The following HS3ST5 variants were observed in gnomAD, a reference collection of about 807,000 sequenced individuals.
HS3ST5 encodes the protein heparan sulfate-glucosamine 3-sulfotransferase 5, also known as heparan sulfate glucosamine 3-O-sulfotransferase 5.
A neutral mutation model predicts 25.4 loss-of-function variants in HS3ST5; 10 were observed. That is an observed-to-expected ratio of 0.39 (90% CI 0.24 to 0.67). The LOEUF (loss-of-function observed/expected upper bound fraction) is 0.67, where lower values mean the gene tolerates loss of function less well. HS3ST5 is among the 30% of genes least tolerant of loss of function. The pLI is 0.44. For synonymous variants in HS3ST5, 170 were observed against 162.4 expected, an observed-to-expected ratio of 1.05 and a Z score of -0.36; for missense variants, 324 against 420.7, an observed-to-expected ratio of 0.77 and a Z score of 2.01.
At chr6:114,137,773 A>T (rs1271522362) in intron 3 of HS3ST5, among the ~76,000 whole-genome samples, 1 of 152,040 alleles carries the variant, frequency 6.6e-6, no homozygotes, top group Non-Finnish European at 1.5e-5. Flanking sequence ...TTCCTACTTC[A>T]TCTCTTCCAC....
At chr6:114,068,481 G>A (rs1053431277) in intron 3 of HS3ST5, among the ~76,000 whole-genome samples, 1 of 152,170 alleles carries the variant, frequency 6.6e-6, no homozygotes, top group African/African-American at 2.4e-5. Context: ...ACATTATAAA[G>A]CATTTGAATC....
intron 3 of HS3ST5, among the ~76,000 whole-genome samples, chr6:114,094,023 A>G (rs1775287208): frequency 6.6e-6 from 1 of 152,184 alleles, no homozygotes; most frequent in Non-Finnish European, 1.5e-5. Flanking sequence ...AAAGTAGAGT[A>G]AGGATACCAA....
chr6:114,222,809 T>C (rs934150777), intron 2 of HS3ST5, among the ~76,000 whole-genome samples: 3 of 151,852 alleles, frequency 2.0e-5, no homozygotes, highest in African/African-American at 7.2e-5. Flanking sequence ...CCATCTAGAA[T>C]TTACTCATTT....
intron 2 of HS3ST5, among the ~76,000 whole-genome samples, chr6:114,189,326 C>T (rs1780383897): frequency 6.6e-6 from 1 of 151,944 alleles, no homozygotes; most frequent in Non-Finnish European, 1.5e-5. Context: ...TCTTTGTCCT[C>T]AGTGTTGTAA....
chr6:114,297,207 T>G (rs1467462744), intron 1 of HS3ST5, among the ~76,000 whole-genome samples: 2 of 147,790 alleles, frequency 1.4e-5, no homozygotes, highest in Non-Finnish European at 3.0e-5. Flanking sequence ...TATATGAGTG[T>G]TTTTTTTTTA....
intron 2 of HS3ST5, among the ~76,000 whole-genome samples, chr6:114,209,430 C>CT (rs1002300604): frequency 2.6e-5 from 4 of 151,562 alleles, no homozygotes; most frequent in Admixed American, 2.0e-4. Flanking sequence ...CCAATTTTCT[C>CT]TTTTTTTTAA....
chr6:114,167,795 A>G (rs1392565425), intron 3 of HS3ST5: 1 of 152,254 alleles, frequency 6.6e-6, no homozygotes, highest in Admixed American at 6.5e-5. Context: ...TGTCAAACAA[A>G]TGTCAGAGGA....
At chr6:114,152,699 C>T (rs556719571) in intron 3 of HS3ST5, among the ~76,000 whole-genome samples, 14 of 152,216 alleles carry the variant, frequency 9.2e-5, no homozygotes, top group South Asian at 4.2e-4. Flanking sequence ...CTCAGTTCTC[C>T]GCCTGGACAC....
At chr6:114,195,591 G>A (rs548057904) in intron 2 of HS3ST5, among the ~76,000 whole-genome samples, 1 of 152,282 alleles carries the variant, frequency 6.6e-6, no homozygotes, top group Non-Finnish European at 1.5e-5. Context: ...CATGGCCTCT[G>A]GCCTATGCTG....
At chr6:114,259,593 C>T (rs923920942) in intron 1 of HS3ST5, among the ~76,000 whole-genome samples, 3 of 152,156 alleles carry the variant, frequency 2.0e-5, no homozygotes, top group African/African-American at 7.2e-5. Context: ...TGAAACTAAG[C>T]AGTTGTTTTA....
chr6:114,304,106 T>C (rs1775194384), intron 1 of HS3ST5, among the ~76,000 whole-genome samples: 1 of 152,056 alleles, frequency 6.6e-6, no homozygotes, highest in African/African-American at 2.4e-5. Context: ...GAAGTATTTC[T>C]GACTGACCTA....
chr6:114,218,348 T>C (rs1781869631), intron 2 of HS3ST5, among the ~76,000 whole-genome samples: 2 of 152,200 alleles, frequency 1.3e-5, no homozygotes, highest in Admixed American at 1.3e-4. Context: ...CTCTCAGTGC[T>C]AAGGTGCAAA....
At position 114,254,783 on chromosome 6, in the gene HS3ST5, C is replaced by T. The variant is rs540439169; in HGVS notation, c.-338-26005G>A. On this transcript the variant is annotated intron_variant, in intron 1 of 4. Transcript: ENST00000312719. ...CATCAGATCTCATGAGACTTACTCA[C>T]TACCACGAGAACAGTATGAGGGAAA... Among the ~76,000 whole-genome samples the T allele has an allele frequency of 1.3e-5, 2 of 152,240 alleles. 1 individual carries two copies. Among genetic ancestry groups the T allele is most frequent in the South Asian group, 4.2e-4 (2 of 4,812 alleles).
intron 2 of HS3ST5, among the ~76,000 whole-genome samples, chr6:114,189,399 T>C (rs140219768): frequency 5.9e-5 from 9 of 152,178 alleles, no homozygotes; most frequent in Non-Finnish European, 1.3e-4. Flanking sequence ...GTCCTCTCAG[T>C]TGGGAAGCTC....
intron 1 of HS3ST5, among the ~76,000 whole-genome samples, chr6:114,328,284 G>A (rs58973977): frequency 0.063 from 9,613 of 151,824 alleles, 550 homozygotes; most frequent in African/African-American, 0.15. Flanking sequence ...GAAGGGTAGC[G>A]ATAGTGTCTT....
At chr6:114,334,433 T>G (rs1776527178) in intron 1 of HS3ST5, among the ~76,000 whole-genome samples, 1 of 152,232 alleles carries the variant, frequency 6.6e-6, no homozygotes, top group Non-Finnish European at 1.5e-5. Context: ...TTGCATAAAA[T>G]GTCAGTTCCC....
At chr6:114,327,050 C>T (rs1297034940) in intron 1 of HS3ST5, among the ~76,000 whole-genome samples, 1 of 152,136 alleles carries the variant, frequency 6.6e-6, no homozygotes, top group East Asian at 1.9e-4. Context: ...TTGGAATTTT[C>T]TTTGAGTAAA....
Position 114,148,391 on chromosome 6 carries a change from G to A in HS3ST5, c.-33+19960C>T, listed in dbSNP as rs148003126. Among the ~76,000 whole-genome samples, 690 of 152,286 alleles carry A rather than the reference G, an allele frequency of 4.5e-3. 3 individuals carry two copies. Among genetic ancestry groups the A allele is most frequent in the African/African-American group, 0.016 (668 of 41,552 alleles). ...CCCAGCACTTTGGGAAGCCAAGGCG[G>A]GTGGATCACCTGAGGTCAGGAGTTC... is the stretch of plus-strand genomic sequence containing the variant. On this transcript the variant is annotated intron_variant, in intron 3 of 4. Coordinates refer to ENST00000312719, the MANE Select transcript of HS3ST5 (RefSeq NM_153612.4).
chr6:114,190,644 C>T (rs539420671), intron 2 of HS3ST5, among the ~76,000 whole-genome samples: 25 of 152,122 alleles, frequency 1.6e-4, no homozygotes, highest in Non-Finnish European at 3.7e-4. Context: ...GAATCATCAC[C>T]ATATATAATT....
Sources: gnomAD v4.1 joint callset for allele counts (sites outside exome capture counted in the v4.1 genomes callset) on GRCh38, gnomAD v4.1.1 for gene constraint, MANE v1.5 for transcripts, NCBI Gene and HGNC (gene_info 2026-07-23, HGNC 2026-07-21) for gene names.